The following KLHL36 variants were observed in gnomAD, a reference collection of about 807,000 sequenced individuals.
KLHL36 encodes kelch like family member 36.
KLHL36 carries 35 observed loss-of-function variants against 53.3 expected under a neutral mutation model. The ratio of observed to expected loss-of-function variants is 0.66; its 90% confidence interval spans 0.50 to 0.87. The LOEUF is 0.87. Among genes scored for constraint, KLHL36 ranks in the 40% least tolerant of loss-of-function variants. KLHL36 has a pLI of 0.00. For synonymous variants in KLHL36, 472 were observed against 398.9 expected, an observed-to-expected ratio of 1.18 and a Z score of -2.18; for missense variants, 864 against 897.6, an observed-to-expected ratio of 0.96 and a Z score of 0.48.
chr16:84,657,674 G>T lies in KLHL36; in HGVS notation c.867G>T (p.Ala289=), dbSNP rs745433939. ...CCGTCATGCAGACCAAGCGCACGGC[G>T]CTGCGCACCAACCAGGAGCGCCTGC... ...AQPVMQTKRT[A]LRTNQERLLF... Residue 289 remains alanine (A), a synonymous_variant, in exon 3 of 5, where the codon GCG becomes GCT. Coordinates refer to ENST00000564996, the MANE Select transcript of KLHL36 (RefSeq NM_024731.4). The T allele has an allele frequency of 6.2e-7, 1 of 1,612,594 alleles. No individual in the cohort carries two copies. Among genetic ancestry groups the T allele is most frequent in the South Asian group, 1.1e-5 (1 of 91,044 alleles).
rs1157514428 is a variant in KLHL36, at chr16:84,666,670, C to T, written c.*4537C>T. On this transcript the variant is annotated 3_prime_UTR_variant, in exon 5 of 5. Coordinates refer to ENST00000564996, the MANE Select transcript of KLHL36 (RefSeq NM_024731.4). ...ACAAAAGCGGAAACAATGAACCATT[C>T]TTGCACTTTACAGAATCATTGTCCT... 2 of 152,226 alleles carry T rather than the reference C, an allele frequency of 1.3e-5. No homozygotes were observed. The highest frequency in any genetic ancestry group is 4.8e-5 in the African/African-American group (2 of 41,452). 9.4% of individuals were successfully genotyped at this position (152,226 alleles called of 1,614,324 possible).
At chr16:84,656,110 T>C (rs1907183695) in intron 2 of KLHL36, among the ~76,000 whole-genome samples, 1 of 152,046 alleles carries the variant, frequency 6.6e-6, no homozygotes, top group Admixed American at 6.6e-5. Context: ...CCCAGGTTGG[T>C]CTCGAACTTC....
chr16:84,660,087 A>C (rs1907460149), intron 4 of KLHL36, among the ~76,000 whole-genome samples, 170 bp downstream of exon 4: 2 of 152,126 alleles, frequency 1.3e-5, no homozygotes, highest in Non-Finnish European at 2.9e-5. Context: ...GTGACGGTGC[A>C]CAGTCCGGGC....
intron 2 of KLHL36, among the ~76,000 whole-genome samples, chr16:84,651,916 T>C (rs1192878502): frequency 6.6e-6 from 1 of 152,166 alleles, no homozygotes; most frequent in Non-Finnish European, 1.5e-5. Flanking sequence ...TGAAGGGAGC[T>C]GGCAGCAGCC....
rs999670521 is a variant in KLHL36 at position 84,665,507 on chromosome 16, A to G, written c.*3374A>G. 1 of 152,222 alleles carries G rather than the reference A, an allele frequency of 6.6e-6. No homozygotes were observed. The highest frequency in any genetic ancestry group is 2.4e-5 in the African/African-American group (1 of 41,464). The allele number at this position is 152,222 out of a possible 1,614,324, so 9.4% of individuals were successfully genotyped here. ...TAAATGCACAGAGATTATTTTATCA[A>G]CTGTGGTTAGCACGCAATTGGTATT... On this transcript the variant is annotated 3_prime_UTR_variant, in exon 5 of 5. Transcript: ENST00000564996.
chr16:84,650,791 T>C, intron 1 of KLHL36, 61 bp from the exon 2 acceptor site: 1 of 1,254,568 alleles, frequency 8.0e-7, no homozygotes, highest in East Asian at 2.4e-5. Flanking sequence ...TAGCAGGGCC[T>C]GAAATTAATG....
chr16:84,656,597 A>G lies in KLHL36; in HGVS notation c.64-274A>G, dbSNP rs553072806. On this transcript the variant is annotated intron_variant, in intron 2 of 4. Transcript: ENST00000564996. ...CAGTGAGCTGAGGTTGTGCCACTGC[A>G]CTCCAGCCTGGGCGACAGAGCAAGG... 2.7e-4 allele frequency among the ~76,000 whole-genome samples: 39 copies of G among 145,118 alleles called. No individual in the cohort carries two copies. In the East Asian group the frequency reaches 7.4e-3, roughly 28 times the overall value.
chr16:84,662,442 G>A lies in KLHL36; in HGVS notation c.*309G>A. 1 of 239,842 alleles carries A rather than the reference G, an allele frequency of 4.2e-6. No homozygotes were observed. Among genetic ancestry groups the A allele is most frequent in the Non-Finnish European group, 8.1e-6 (1 of 123,322 alleles). The allele number at this position is 239,842 out of a possible 1,614,324, so 14.9% of individuals were successfully genotyped here. A position where few individuals can be genotyped will look rare whatever the true frequency, so the allele number is the denominator to read the frequency against. On this transcript the variant is annotated 3_prime_UTR_variant, in exon 5 of 5. Transcript: ENST00000564996. ...GTCCCCCTGAGAGTAGCTGGCACGT[G>A]GGTAACACAGAAATTTCTGTAGTGA...
intron 2 of KLHL36, among the ~76,000 whole-genome samples, chr16:84,656,667 A>G (rs996698624): frequency 6.9e-6 from 1 of 144,196 alleles, no homozygotes; most frequent in Non-Finnish European, 1.5e-5. Flanking sequence ...GAAAGAAGTT[A>G]TATTAATAAG....
chr16:84,659,488 C>A, intron 3 of KLHL36: 1 of 406,646 alleles, frequency 2.5e-6, no homozygotes, highest in Non-Finnish European at 4.5e-6. Context: ...AACGACATGA[C>A]CAGAGAAGTT....
chr16:84,662,481 A>G lies in KLHL36; in HGVS notation c.*348A>G, dbSNP rs544996144. 2.1e-5 allele frequency: 4 copies of G among 188,372 alleles called. No individual in the cohort carries two copies. The South Asian group carries it at 4.7e-4, about 22-fold the overall frequency. The allele number at this position is 188,372 out of a possible 1,614,324, so 11.7% of individuals were successfully genotyped here. A position where few individuals can be genotyped will look rare whatever the true frequency, so the allele number is the denominator to read the frequency against. ...TTTCTGTAGTGAAGCTTGGGCCTCAAAGGGTTCTCTTAGGCCACCTAGTCC... is the reference window on the plus strand; with the variant it reads ...TTTCTGTAGTGAAGCTTGGGCCTCAGAGGGTTCTCTTAGGCCACCTAGTCC... On this transcript the variant is annotated 3_prime_UTR_variant, in exon 5 of 5. Transcript: ENST00000564996.
chr16:84,651,143 A>T (rs539908433), intron 2 of KLHL36, among the ~76,000 whole-genome samples: 27 of 152,232 alleles, frequency 1.8e-4, no homozygotes, highest in African/African-American at 6.3e-4. Flanking sequence ...CTATGGCCAG[A>T]TGTCTTCATT....
intron 2 of KLHL36, among the ~76,000 whole-genome samples, chr16:84,654,281 T>G (rs1351031370): frequency 6.6e-6 from 1 of 152,230 alleles, no homozygotes; most frequent in East Asian, 1.9e-4. Flanking sequence ...TACTTTTTAA[T>G]TTCCTTCCTT....
At chr16:84,660,000 C>T in intron 4 of KLHL36, 83 bp downstream of exon 4, 1 of 1,307,030 alleles carries the variant, frequency 7.7e-7, no homozygotes, top group South Asian at 1.4e-5. Flanking sequence ...ACTTTCTGGG[C>T]ATGTTGGCCT....
chr16:84,658,099 T>G, intron 3 of KLHL36, 155 bp downstream of exon 3: 1 of 609,278 alleles, frequency 1.6e-6, no homozygotes, highest in Non-Finnish European at 2.7e-6. Flanking sequence ...CCCCGGGGCC[T>G]ACATCCTGGA....
At chr16:84,658,557 C>T (rs1907360029) in intron 3 of KLHL36, 1 of 152,040 alleles carries the variant, frequency 6.6e-6, no homozygotes, top group Non-Finnish European at 1.5e-5. Flanking sequence ...AGGTCTCATC[C>T]CAGCCTGGCT....
intron 4 of KLHL36, 151 bp downstream of exon 4, chr16:84,660,068 G>C: frequency 1.3e-6 from 1 of 796,630 alleles, no homozygotes; most frequent in Non-Finnish European, 2.0e-6. Context: ...ACCATGAGGG[G>C]CGGAGGGCGT....
chr16:84,662,288 A>C lies in KLHL36; in HGVS notation c.*155A>C. Reference sequence around the variant, plus strand: ...TATTTCTATGATATCACAGTAACCAATTAAATACTATCTGTAACTTTACAT... The same window carrying C: ...TATTTCTATGATATCACAGTAACCACTTAAATACTATCTGTAACTTTACAT... On this transcript the variant is annotated 3_prime_UTR_variant, in exon 5 of 5. Transcript: ENST00000564996. 1 of 687,574 alleles carries C rather than the reference A, an allele frequency of 1.5e-6. No individual in the cohort carries two copies. The highest frequency in any genetic ancestry group is 2.4e-6 in the Non-Finnish European group (1 of 424,570). 42.6% of individuals were successfully genotyped at this position (687,574 alleles called of 1,614,324 possible).
At chr16:84,654,009 C>T (rs544156099) in intron 2 of KLHL36, among the ~76,000 whole-genome samples, 7 of 152,172 alleles carry the variant, frequency 4.6e-5, no homozygotes, top group Non-Finnish European at 1.0e-4. Context: ...CTGCTCTTGC[C>T]CCCTGCCCCA....
Sources: allele counts gnomAD v4.1 joint callset (sites outside exome capture counted in the v4.1 genomes callset), GRCh38; gene constraint gnomAD v4.1.1; transcripts MANE v1.5; gene names NCBI Gene and HGNC (gene_info 2026-07-23, HGNC 2026-07-21).